The following GLI3 variants were observed in gnomAD, a reference collection of about 807,000 sequenced individuals.
GLI3 encodes transcription activator GLI3.
A neutral mutation model predicts 100.8 loss-of-function variants in GLI3; 20 were observed. That is an observed-to-expected ratio of 0.20 (90% CI 0.14 to 0.29). The LOEUF is 0.29. Ranked by LOEUF, GLI3 falls within the 10% of genes least tolerant of loss-of-function variation. GLI3 has a pLI of 1.00. For synonymous variants in GLI3, 938 were observed against 860.5 expected (o/e 1.09, Z -1.58); for missense variants, 2,040 against 2,128.5 (o/e 0.96, Z 0.82).
chr7:42,158,012 GC>G (rs1454059156), intron 2 of GLI3, among the ~76,000 whole-genome samples: 1 of 152,030 alleles, frequency 6.6e-6, no homozygotes, highest in East Asian at 1.9e-4. Context: ...TGATAAATTA[GC>G]CTATGTAAAA....
chr7:42,103,067 T>G (rs1464909102), intron 3 of GLI3, among the ~76,000 whole-genome samples: 2 of 152,148 alleles, frequency 1.3e-5, no homozygotes, highest in African/African-American at 4.8e-5. Context: ...GCTGAGTGGC[T>G]CCGGCTGAGG....
At chr7:42,217,646 G>T (rs560916634) in intron 2 of GLI3, among the ~76,000 whole-genome samples, 2 of 152,272 alleles carry the variant, frequency 1.3e-5, no homozygotes, top group East Asian at 1.9e-4. Context: ...CATTTACAAG[G>T]AAGTTTACAG....
rs759353473 is a variant in GLI3 at position 42,223,146 on chromosome 7, G to A, written c.108C>T (p.Ser36=). ...GCTGCTCACCATTAGAAGTGGTGCT[G>A]GAGGCAACGGCTTTCTCGCTCACAT... ...RTDVSEKAVA[S]STTSNEDESP... is the part of the protein sequence containing the mutation. Residue 36 remains serine, a synonymous_variant, in exon 2 of 15, where the codon TCC becomes TCT. Coordinates refer to ENST00000395925, the MANE Select transcript of GLI3 (RefSeq NM_000168.6). 9 of 1,613,842 alleles carry A rather than the reference G, an allele frequency of 5.6e-6. No individual in the cohort carries two copies. In the African/African-American group the frequency reaches 9.3e-5, roughly 17 times the overall value.
chr7:42,026,408 C>T lies in GLI3; in HGVS notation c.1033G>A (p.Ala345Thr), dbSNP rs1789114408. The change falls in exon 8 of 15, where the codon GCC becomes ACC. Residue 345 changes from alanine (A) to threonine (T), a missense_variant. Ala to Thr is a moderately conservative substitution (Grantham distance 58). Transcript: ENST00000395925. ...GHLSASAISP[A>T]LSFTYSSAPV... Reference sequence around the variant, plus strand: ...GCGGAAGAGTAGGTGAAGCTCAAGGCAGGGCTGCACGGGGGAGATAAAAAA... The same window carrying T: ...GCGGAAGAGTAGGTGAAGCTCAAGGTAGGGCTGCACGGGGGAGATAAAAAA... The T allele has an allele frequency of 6.2e-7, 1 of 1,613,614 alleles. No homozygotes were observed. The highest frequency in any genetic ancestry group is 8.5e-7 in the Non-Finnish European group (1 of 1,179,608).
chr7:42,158,215 G>A (rs1243632023), intron 2 of GLI3, among the ~76,000 whole-genome samples: 1 of 152,138 alleles, frequency 6.6e-6, no homozygotes, highest in Non-Finnish European at 1.5e-5. Context: ...CTTACTAAAC[G>A]CCAGGCCAGT....
Position 42,008,646 on chromosome 7 carries a change from T to A in GLI3, c.1497+14822A>T, listed in dbSNP as rs192297272. Among the ~76,000 whole-genome samples, 1,018 of 152,330 alleles carry A rather than the reference T, an allele frequency of 6.7e-3. 5 individuals are homozygous for A. The highest frequency in any genetic ancestry group is 0.027 in the Middle Eastern group (8 of 294). ...CCACTCTACACGAGGCAAGTCTGGT[T>A]CTTTCTCTACCTGATCCAATGCCTA... is the stretch of plus-strand genomic sequence containing the variant. On this transcript the variant is annotated intron_variant, in intron 10 of 14. Coordinates refer to ENST00000395925, the MANE Select transcript of GLI3 (RefSeq NM_000168.6).
At chr7:41,980,075 T>C (rs932045834) in intron 10 of GLI3, among the ~76,000 whole-genome samples, 2 of 152,252 alleles carry the variant, frequency 1.3e-5, no homozygotes, top group African/African-American at 4.8e-5. Flanking sequence ...TGTTGTTCTC[T>C]ATCTCCTCTC....
intron 7 of GLI3, among the ~76,000 whole-genome samples, chr7:42,034,740 T>C (rs964490602): frequency 1.7e-4 from 26 of 152,192 alleles, no homozygotes; most frequent in Admixed American, 1.5e-3. Context: ...CTATTCTTTC[T>C]TAACATCTGG....
chr7:42,234,935 T>C (rs1788760585), intron 1 of GLI3, among the ~76,000 whole-genome samples: 1 of 152,238 alleles, frequency 6.6e-6, no homozygotes, highest in African/African-American at 2.4e-5. Context: ...TGAATATAGT[T>C]TAACTGGCCA....
At chr7:42,112,995 A>AG (rs1405797580) in intron 3 of GLI3, among the ~76,000 whole-genome samples, 1 of 152,196 alleles carries the variant, frequency 6.6e-6, no homozygotes, top group Admixed American at 6.5e-5. Flanking sequence ...CAACATGGTG[A>AG]AACCCTGTCT....
intron 3 of GLI3, among the ~76,000 whole-genome samples, chr7:42,095,852 A>G (rs1785325943): frequency 6.6e-6 from 1 of 152,068 alleles, no homozygotes; most frequent in Non-Finnish European, 1.5e-5. Flanking sequence ...CGATCACAGG[A>G]GTGGATGGTG....
At chr7:41,968,726 A>C (rs1258834993) in intron 13 of GLI3, among the ~76,000 whole-genome samples, 2 of 83,046 alleles carry the variant, frequency 2.4e-5, no homozygotes, top group African/African-American at 6.9e-5. Context: ...GAAAGAAAGA[A>C]AGAAAGAAAG....
chr7:41,997,922 T>C (rs1788171708), intron 10 of GLI3, among the ~76,000 whole-genome samples: 1 of 152,224 alleles, frequency 6.6e-6, no homozygotes, highest in Non-Finnish European at 1.5e-5. Context: ...AATTTAGCTC[T>C]AATATTGATG....
Position 42,169,839 on chromosome 7 carries a change from ACTT to A in GLI3, c.125-21374_125-21372del, listed in dbSNP as rs1368409859. On this transcript the variant is annotated intron_variant, in intron 2 of 14. Coordinates refer to ENST00000395925, the MANE Select transcript of GLI3 (RefSeq NM_000168.6). ...GATGGTTATCTGTGAGAAGTCAATT[ACTT>A]CTTATTACTTCTTATATTTCAATTA... Among the ~76,000 whole-genome samples, 6 of 152,268 alleles carry A rather than the reference ACTT, an allele frequency of 3.9e-5. No individual in the cohort carries two copies. In the South Asian group the frequency reaches 1.2e-3, roughly 32 times the overall value.
intron 8 of GLI3, 44 bp from the exon 9 acceptor site, chr7:42,025,421 C>T (rs1229359015): frequency 2.9e-6 from 4 of 1,392,986 alleles, no homozygotes; most frequent in Admixed American, 1.7e-5. Flanking sequence ...AGATTTTCAT[C>T]AACAAGGAGC....
chr7:42,111,597 G>A (rs1785707834), intron 3 of GLI3, among the ~76,000 whole-genome samples: 1 of 152,192 alleles, frequency 6.6e-6, no homozygotes, highest in African/African-American at 2.4e-5. Flanking sequence ...CCAAAGGCAG[G>A]AGAGCAGGCC....
At chr7:42,182,664 A>ATATATATACGTGTG (rs1554337050) in intron 2 of GLI3, among the ~76,000 whole-genome samples, 1 of 78,328 alleles carries the variant, frequency 1.3e-5, no homozygotes, top group African/African-American at 6.4e-5. Flanking sequence ...ATATATATAT[A>ATATATATACGTGTG]TATATATATA....
chr7:42,150,799 G>A (rs1313538036), intron 2 of GLI3, among the ~76,000 whole-genome samples: 2 of 152,166 alleles, frequency 1.3e-5, no homozygotes, highest in Admixed American at 6.6e-5. Context: ...TGTTTATGAT[G>A]AGCATTTGAA....
chr7:42,049,611 C>T (rs755352218), intron 4 of GLI3, among the ~76,000 whole-genome samples: 3 of 152,204 alleles, frequency 2.0e-5, no homozygotes, highest in Admixed American at 6.5e-5. Context: ...CTTGCTACCA[C>T]GATATCCTGA....
Sources: allele counts gnomAD v4.1 joint callset (sites outside exome capture counted in the v4.1 genomes callset), GRCh38; gene constraint gnomAD v4.1.1; transcripts MANE v1.5; gene names NCBI Gene and HGNC (gene_info 2026-07-23, HGNC 2026-07-21).